Variants in ZNF430 observed in about 807,000 individuals in gnomAD.
The protein encoded by ZNF430 is zinc finger protein 430.
ZNF430 carries 35 observed loss-of-function variants against 56.7 expected under a neutral mutation model. That is an observed-to-expected ratio of 0.62 (90% CI 0.47 to 0.82). ZNF430 has a LOEUF of 0.82. Ranked by LOEUF, ZNF430 falls within the 40% of genes least tolerant of loss-of-function variation. The pLI is 0.00. For missense variants in ZNF430, 574 were observed against 661.0 expected (o/e 0.87, Z 1.44); for synonymous variants, 212 against 224.3 (o/e 0.94, Z 0.49).
Position 21,058,446 on chromosome 19 carries a change from G to GAA in ZNF430, c.*438_*439dup, listed in dbSNP as rs35595597. On this transcript the variant is annotated 3_prime_UTR_variant, in exon 5 of 5. Coordinates refer to ENST00000261560, the MANE Select transcript of ZNF430 (RefSeq NM_025189.4). The stretch of plus-strand genomic sequence containing the variant: ...GCAACAAGAGTGGCACTCCATCTCA[G>GAA]AAAAAAAAAAAAAAGATAATTCATA... 5 of 121,912 alleles carry GAA rather than the reference G, an allele frequency of 4.1e-5. No individual in the cohort carries two copies. The highest frequency in any genetic ancestry group is 8.6e-5 in the Admixed American group (1 of 11,604). 7.6% of individuals were successfully genotyped at this position (121,912 alleles called of 1,614,324 possible).
At chr19:21,043,111 G>A (rs999102859) in intron 4 of ZNF430, among the ~76,000 whole-genome samples, 1 of 152,076 alleles carries the variant, frequency 6.6e-6, no homozygotes, top group Non-Finnish European at 1.5e-5. Flanking sequence ...TGTGCGGAAG[G>A]TTTTTAGTTT....
intron 4 of ZNF430, among the ~76,000 whole-genome samples, chr19:21,039,772 T>C (rs2144770339): frequency 6.6e-6 from 1 of 152,270 alleles, no homozygotes; most frequent in East Asian, 1.9e-4. Context: ...GGCCTACTTT[T>C]GCTTTTAATT....
Position 21,023,012 on chromosome 19 carries a change from AG to A in ZNF430, c.96+136del, listed in dbSNP as rs113377017. ...ATAATTTTTGCCTCTGGATTGTCTA[AG>A]GGGGCAGAAAAATAGTGAAATAACT... On this transcript the variant is annotated intron_variant, in intron 2 of 4. Transcript: ENST00000261560. 10,013 of 635,600 alleles carry A rather than the reference AG, an allele frequency of 0.016. 758 individuals carry two copies. The African/African-American group carries it at 0.16, about 10-fold the overall frequency. 39.4% of individuals were successfully genotyped at this position (635,600 alleles called of 1,614,324 possible).
chr19:21,039,712 C>A (rs1185839998), intron 4 of ZNF430, among the ~76,000 whole-genome samples: 2 of 152,056 alleles, frequency 1.3e-5, no homozygotes, highest in Non-Finnish European at 2.9e-5. Flanking sequence ...GTGATCCACC[C>A]ACCTTGGCCT....
intron 4 of ZNF430, among the ~76,000 whole-genome samples, chr19:21,051,704 T>C (rs1299300611): frequency 6.6e-6 from 1 of 152,196 alleles, no homozygotes; most frequent in Non-Finnish European, 1.5e-5. Context: ...TTGGCCTGGA[T>C]GGTCTCGATC....
intron 4 of ZNF430, among the ~76,000 whole-genome samples, chr19:21,038,821 A>C (rs997910100): frequency 1.3e-5 from 2 of 152,202 alleles, no homozygotes; most frequent in African/African-American, 4.8e-5. Flanking sequence ...AATTTTAAAC[A>C]ATATTTGTGT....
Position 21,049,173 on chromosome 19 carries a change from C to CAAA in ZNF430, c.323-7436_323-7434dup, listed in dbSNP as rs746043747. ...TGGGTGACAGAGCAAGACTCCATCT[C>CAAA]AAAAAAAAAAAAAAAAAAAAAAAAG... On this transcript the variant is annotated intron_variant, in intron 4 of 4. Transcript: ENST00000261560. 1.4e-3 allele frequency among the ~76,000 whole-genome samples: 94 copies of CAAA among 64,868 alleles called. 1 individual carries two copies. Among genetic ancestry groups the CAAA allele is most frequent in the Admixed American group, 2.0e-3 (8 of 4,042 alleles). The allele number at this position is 64,868 out of a possible 152,430, so 42.6% of individuals were successfully genotyped here.
At chr19:21,030,750 AC>A (rs1486019098) in intron 2 of ZNF430, among the ~76,000 whole-genome samples, 3 of 152,202 alleles carry the variant, frequency 2.0e-5, no homozygotes, top group South Asian at 2.1e-4. Context: ...GCATTCATGA[AC>A]CCTTTTCAAA....
chr19:21,054,669 C>CTTTTGTTTTTTTTTTTTTTTT (rs1968339636), intron 4 of ZNF430, among the ~76,000 whole-genome samples: 1 of 65,582 alleles, frequency 1.5e-5, no homozygotes, highest in African/African-American at 6.4e-5. Flanking sequence ...ATTTTTACGT[C>CTTTTGTTTTTTTTTTTTTTTT]TTTTTTTTTT....
chr19:21,052,865 G>C (rs1198954621), intron 4 of ZNF430, among the ~76,000 whole-genome samples: 1 of 152,114 alleles, frequency 6.6e-6, no homozygotes, highest in Non-Finnish European at 1.5e-5. Flanking sequence ...TTTAATGACG[G>C]TCTTGCAAGA....
At chr19:21,040,944 A>G (rs1968091277) in intron 4 of ZNF430, among the ~76,000 whole-genome samples, 1 of 152,180 alleles carries the variant, frequency 6.6e-6, no homozygotes, top group Non-Finnish European at 1.5e-5. Flanking sequence ...CTTAAAGCAT[A>G]TTATATTCAA....
chr19:21,026,428 C>A (rs1967797758), intron 2 of ZNF430, among the ~76,000 whole-genome samples: 1 of 152,114 alleles, frequency 6.6e-6, no homozygotes, highest in African/African-American at 2.4e-5. Flanking sequence ...ACCTTGTGAT[C>A]TGCCTGCCCC....
In ZNF430 at chr19:21,057,279, G is replaced by T. The variant is rs768932779; in HGVS notation, c.971G>T (p.Arg324Ile). 6 of 1,581,862 alleles carry T rather than the reference G, an allele frequency of 3.8e-6. No individual in the cohort carries two copies. The part of the protein sequence containing the change: ...EKPYRCEECG[R>I]AFNRSSHLTT... The stretch of plus-strand genomic sequence containing the variant: ...CCCTACAGATGTGAAGAATGTGGCA[G>T]AGCTTTTAACCGGTCCTCACACCTT... The change falls in exon 5 of 5, where the codon AGA becomes ATA. Residue 324 changes from arginine to isoleucine, a missense_variant. By Grantham distance (97) the Arg-to-Ile change is moderately conservative. Coordinates refer to ENST00000261560, the MANE Select transcript of ZNF430 (RefSeq NM_025189.4).
At chr19:21,022,663 T>C (rs1967717202) in intron 1 of ZNF430, 126 bp from the exon 2 acceptor site, 3 of 738,612 alleles carry the variant, frequency 4.1e-6, no homozygotes, top group Middle Eastern at 5.9e-4. Flanking sequence ...GTGTCCTCAG[T>C]CACCCTTCAG....
At position 21,056,738 on chromosome 19, in the gene ZNF430, C is replaced by T. The variant is rs373575225; in HGVS notation, c.430C>T (p.Gln144Ter). ...TGGAAAATGTGGACATGAAGATTTA[C>T]AGTTAAGAACAGGCTGTAAAAGTGT... ...RYGKCGHEDLQLRTGCKSVDE... is the reference protein window; with the variant it reads ...RYGKCGHEDL The change falls in exon 5 of 5, where the codon CAG (glutamine) becomes TAG (stop). Residue 144 changes from glutamine (Q) to a stop codon, truncating the protein, a stop_gained. Coordinates refer to ENST00000261560, the MANE Select transcript of ZNF430 (RefSeq NM_025189.4). LOFTEE classifies it high-confidence loss of function. The T allele has an allele frequency of 2.2e-5, 36 of 1,610,434 alleles. No individual in the cohort carries two copies. The highest frequency in any genetic ancestry group is 1.6e-4 in the Middle Eastern group (1 of 6,070).
At chr19:21,031,909 G>T (rs1380287338) in intron 2 of ZNF430, among the ~76,000 whole-genome samples, 1 of 152,134 alleles carries the variant, frequency 6.6e-6, no homozygotes, top group Non-Finnish European at 1.5e-5. Flanking sequence ...ATTCAAGGCT[G>T]TCTGCAAAAC....
At chr19:21,038,572 C>T (rs769127137) in intron 4 of ZNF430, among the ~76,000 whole-genome samples, 18 of 152,116 alleles carry the variant, frequency 1.2e-4, no homozygotes, top group Middle Eastern at 3.4e-3. Flanking sequence ...AGGTTACAGG[C>T]GTGCACTACC....
At chr19:21,045,169 G>A (rs1209887715) in intron 4 of ZNF430, among the ~76,000 whole-genome samples, 1 of 152,080 alleles carries the variant, frequency 6.6e-6, no homozygotes, top group Non-Finnish European at 1.5e-5. Flanking sequence ...TAATGTTAGG[G>A]TGTCATTTTG....
Position 21,046,317 on chromosome 19 carries a change from C to CAA in ZNF430, c.323-10296_323-10295dup, listed in dbSNP as rs60881206. On this transcript the variant is annotated intron_variant, in intron 4 of 4. Transcript: ENST00000261560. ...TGGGTGACAGAACAAGACTCCATCT[C>CAA]AAAAAAAAAAAAAAAAAAAGTTTAA... is the stretch of plus-strand genomic sequence containing the variant. Among the ~76,000 whole-genome samples, 861 of 110,062 alleles carry CAA rather than the reference C, an allele frequency of 7.8e-3. 15 individuals are homozygous for CAA. The highest frequency in any genetic ancestry group is 0.033 in the African/African-American group (838 of 25,686). The allele number at this position is 110,062 out of a possible 152,430, so 72.2% of individuals were successfully genotyped here. A position where few individuals can be genotyped will look rare whatever the true frequency, so the allele number is the denominator to read the frequency against.
Sources: gnomAD v4.1 joint callset for allele counts (sites outside exome capture counted in the v4.1 genomes callset) on GRCh38, gnomAD v4.1.1 for gene constraint, MANE v1.5 for transcripts, NCBI Gene and HGNC (gene_info 2026-07-23, HGNC 2026-07-21) for gene names.